Variants in EYA1 observed in about 807,000 individuals in gnomAD.
EYA1 encodes the protein protein phosphatase EYA1.
Under a neutral mutation model 82.0 loss-of-function variants are expected in EYA1, and 16 were observed. That is an observed-to-expected ratio of 0.20 (90% CI 0.13 to 0.30). The LOEUF is 0.30. EYA1 is among the 10% of genes least tolerant of loss of function. EYA1 has a pLI of 1.00. For missense variants in EYA1, 633 were observed against 730.7 expected (o/e 0.87, Z 1.54); for synonymous variants, 261 against 264.4 (o/e 0.99, Z 0.12).
At chr8:71,273,784 C>T (rs2128955499) in intron 9 of EYA1, among the ~76,000 whole-genome samples, 1 of 152,304 alleles carries the variant, frequency 6.6e-6, no homozygotes, top group South Asian at 2.1e-4. Context: ...GAATTGGGAG[C>T]TCTCTGGCTT....
rs186284007 is a variant in EYA1, at chr8:71,488,060, T to C, written c.33+47684A>G. 1.7e-4 allele frequency among the ~76,000 whole-genome samples: 26 copies of C among 152,248 alleles called. No homozygotes were observed. The East Asian group carries it at 4.8e-3, about 28-fold the overall frequency. On this transcript the variant is annotated intron_variant, in intron 2 of 18. Transcript: ENST00000643681. The stretch of plus-strand genomic sequence containing the variant: ...AAGGAGGGGGGAGACAACTCAAATA[T>C]ACATCAGTAATATAAAGGATACATG...
intron 12 of EYA1, among the ~76,000 whole-genome samples, chr8:71,236,746 G>A (rs891903097): frequency 6.6e-6 from 1 of 152,152 alleles, no homozygotes; most frequent in African/African-American, 2.4e-5. Flanking sequence ...GAGATATCAT[G>A]CTGTTAAATG....
intron 11 of EYA1, among the ~76,000 whole-genome samples, chr8:71,265,107 C>T (rs1815624376): frequency 2.0e-5 from 3 of 152,250 alleles, no homozygotes; most frequent in South Asian, 4.1e-4. Flanking sequence ...AATTTGAGGA[C>T]ACTGCCACCA....
rs1027898416 is a variant in EYA1, at chr8:71,491,166, T to C, written c.33+44578A>G. On this transcript the variant is annotated intron_variant, in intron 2 of 18. Coordinates refer to the EYA1 transcript ENST00000643681. ...TCTGCAAGGCCATATGGCTAATCGA[T>C]GGCAGCCATAGGGCTCGAACTCAGG... is the stretch of plus-strand genomic sequence containing the variant. Among the ~76,000 whole-genome samples, 4 of 152,356 alleles carry C rather than the reference T, an allele frequency of 2.6e-5. No individual in the cohort carries two copies. The South Asian group carries it at 6.2e-4, about 24-fold the overall frequency.
intron 2 of EYA1, among the ~76,000 whole-genome samples, chr8:71,469,871 T>G (rs1472265365): frequency 6.6e-6 from 1 of 151,970 alleles, no homozygotes; most frequent in Non-Finnish European, 1.5e-5. Context: ...AAATGAAGAC[T>G]CAAGAAATGG....
intron 7 of EYA1, among the ~76,000 whole-genome samples, chr8:71,303,385 G>T (rs1264278159): frequency 7.1e-6 from 1 of 141,688 alleles, no homozygotes; most frequent in African/African-American, 2.5e-5. Flanking sequence ...TAATTGACCT[G>T]TAAACTAACA....
At chr8:71,528,710 C>T (rs1437682205) in intron 2 of EYA1, among the ~76,000 whole-genome samples, 2 of 152,192 alleles carry the variant, frequency 1.3e-5, no homozygotes, top group African/African-American at 4.8e-5. Context: ...TGAGGCCATC[C>T]CAGCTCAAAT....
At chr8:71,239,290 CTT>C (rs1289202398) in intron 12 of EYA1, among the ~76,000 whole-genome samples, 2 of 152,138 alleles carry the variant, frequency 1.3e-5, no homozygotes, top group Non-Finnish European at 2.9e-5. Flanking sequence ...TGATGTTACT[CTT>C]GTCAACTAAG....
Position 71,472,811 on chromosome 8 carries a change from A to ATATATATATATATATATATC in EYA1, c.33+62932_33+62933insGATATATATATATATATATA, listed in dbSNP as rs988307541. On this transcript the variant is annotated intron_variant, in intron 2 of 18. Transcript: ENST00000643681. ...AAGATATATATATATATATATATAT[A>ATATATATATATATATATATC]TATCTGTCAGTGAGTATATGCATAT... 2.7e-5 allele frequency among the ~76,000 whole-genome samples: 4 copies of ATATATATATATATATATATC among 147,852 alleles called. No homozygotes were observed. In the East Asian group the frequency reaches 8.0e-4, roughly 30 times the overall value.
chr8:71,410,160 C>G (rs1222319118), intron 2 of EYA1, among the ~76,000 whole-genome samples: 2 of 148,774 alleles, frequency 1.3e-5, no homozygotes, highest in Non-Finnish European at 3.0e-5. Context: ...CAGAAAAAGC[C>G]TTTGACAAAA....
intron 2 of EYA1, among the ~76,000 whole-genome samples, chr8:71,427,779 G>A (rs918262408): frequency 1.3e-5 from 2 of 152,122 alleles, no homozygotes; most frequent in African/African-American, 4.8e-5. Context: ...CAGCACTTGG[G>A]GAGGCTGAAG....
At chr8:71,314,279 A>G (rs1476772171) in intron 7 of EYA1, among the ~76,000 whole-genome samples, 1 of 152,224 alleles carries the variant, frequency 6.6e-6, no homozygotes, top group African/African-American at 2.4e-5. Context: ...ATCATTGAAT[A>G]ATGAGAAGCA....
chr8:71,525,380 A>T (rs1275548180), intron 2 of EYA1, among the ~76,000 whole-genome samples: 1 of 152,222 alleles, frequency 6.6e-6, no homozygotes, highest in East Asian at 1.9e-4. Context: ...GAGACCACTT[A>T]AGGAAATTTC....
intron 3 of EYA1, among the ~76,000 whole-genome samples, chr8:71,346,452 A>ATATATATATATATC (rs1011248214): frequency 2.2e-5 from 3 of 134,648 alleles, no homozygotes; most frequent in East Asian, 4.5e-4. Context: ...ATATATATAT[A>ATATATATATATATC]TATCTATATA....
intron 11 of EYA1, among the ~76,000 whole-genome samples, chr8:71,251,617 A>G (rs1190845236): frequency 2.0e-5 from 3 of 152,252 alleles, no homozygotes; most frequent in African/African-American, 7.2e-5. Context: ...TAGAAAAAGT[A>G]AATAATGATG....
intron 11 of EYA1, 130 bp downstream of exon 11, chr8:71,269,610 T>C: frequency 1.6e-6 from 1 of 608,432 alleles, no homozygotes; most frequent in Non-Finnish European, 2.8e-6. Flanking sequence ...ATATATATAT[T>C]TGACTATATA....
intron 2 of EYA1, among the ~76,000 whole-genome samples, chr8:71,499,039 G>A (rs7844495): frequency 0.25 from 38,198 of 152,078 alleles, 4,894 homozygotes; most frequent in Non-Finnish European, 0.27. Flanking sequence ...ACACAGAATG[G>A]GCTGTCCTTC....
chr8:71,414,060 C>T (rs538087164), intron 2 of EYA1, among the ~76,000 whole-genome samples: 1 of 152,292 alleles, frequency 6.6e-6, no homozygotes, highest in South Asian at 2.1e-4. Context: ...AATGGCAAGG[C>T]AACCTCCAGG....
intron 2 of EYA1, among the ~76,000 whole-genome samples, chr8:71,482,217 A>G (rs576099413): frequency 5.3e-5 from 8 of 152,342 alleles, no homozygotes; most frequent in Non-Finnish European, 7.3e-5. Flanking sequence ...ACAATCCAAT[A>G]TAAAAAATGA....
Sources: allele counts gnomAD v4.1 joint callset (sites outside exome capture counted in the v4.1 genomes callset), GRCh38; gene constraint gnomAD v4.1.1; transcripts MANE v1.5; gene names NCBI Gene and HGNC (gene_info 2026-07-23, HGNC 2026-07-21).